The following CYTH3 variants were observed in gnomAD, a reference collection of about 807,000 sequenced individuals.
The protein encoded by CYTH3 is cytohesin 3.
CYTH3 carries 23 observed loss-of-function variants against 55.1 expected under a neutral mutation model. That is an observed-to-expected ratio of 0.42 (90% CI 0.30 to 0.59). The LOEUF is 0.59. Ranked by LOEUF, CYTH3 falls within the 20% of genes least tolerant of loss-of-function variation. CYTH3 has a pLI of 0.20. For missense variants in CYTH3, 413 were observed against 524.8 expected, an observed-to-expected ratio of 0.79 and a Z score of 2.08; for synonymous variants, 249 against 194.9, an observed-to-expected ratio of 1.28 and a Z score of -2.31.
At chr7:6,259,799 A>ATAATATATATATAATATATATATATATAT (rs1780282119) in intron 1 of CYTH3, among the ~76,000 whole-genome samples, 1 of 24,980 alleles carries the variant, frequency 4.0e-5, no homozygotes, top group African/African-American at 5.4e-4. Flanking sequence ...ATATATATAT[A>ATAATATATATATAATATATATATATATAT]TATATATATA....
chr7:6,170,634 T>C lies in CYTH3; in HGVS notation c.724A>G (p.Ser242Gly). ...ATCTTAAATGGCTCGTTCTTAATGC[T>C]CTCATACAAATTCTGCAAGGAGGGA... Reference protein sequence around the residue: ...PEELLRNLYESIKNEPFKIPE... With the variant: ...PEELLRNLYEGIKNEPFKIPE... Residue 242 changes from serine (S) to glycine (G), a missense_variant, in exon 9 of 13, where the codon AGC (serine) becomes GGC (glycine). This residue lies in a region of CYTH3 where 156 missense variants were observed against 233.1 expected (regional missense o/e 0.67). Transcript: ENST00000350796. This position sits in a 1 kb window ranked among gnomAD's most constrained non-coding sequence, Gnocchi z 7.8. The C allele has an allele frequency of 6.2e-7, 1 of 1,613,796 alleles. No homozygotes were observed. The highest frequency in any genetic ancestry group is 8.5e-7 in the Non-Finnish European group (1 of 1,179,814).
At chr7:6,259,779 TATATAA>T (rs1780264323) in intron 1 of CYTH3, among the ~76,000 whole-genome samples, 4 of 20,154 alleles carry the variant, frequency 2.0e-4, no homozygotes, top group South Asian at 1.8e-3. Flanking sequence ...ATATTATATA[TATATAA>T]TATATATATA....
intron 1 of CYTH3, among the ~76,000 whole-genome samples, chr7:6,264,835 TCTTA>T (rs1158170887): frequency 6.6e-6 from 1 of 152,226 alleles, no homozygotes; most frequent in African/African-American, 2.4e-5. Flanking sequence ...CAGAAAATAT[TCTTA>T]CTTTCACAGA....
At chr7:6,179,773 A>C (rs1583749632) in intron 4 of CYTH3, among the ~76,000 whole-genome samples, 1 of 116,868 alleles carries the variant, frequency 8.6e-6, no homozygotes, top group Admixed American at 9.2e-5. Flanking sequence ...CACACACCCC[A>C]CACACACCAC....
At chr7:6,269,860 T>C (rs1780605851) in intron 1 of CYTH3, among the ~76,000 whole-genome samples, 1 of 152,206 alleles carries the variant, frequency 6.6e-6, no homozygotes, top group Non-Finnish European at 1.5e-5. Flanking sequence ...TCTTTTAACC[T>C]GACCATTAAC....
At chr7:6,256,279 C>A (rs1392509533) in intron 1 of CYTH3, among the ~76,000 whole-genome samples, 1 of 152,178 alleles carries the variant, frequency 6.6e-6, no homozygotes, top group African/African-American at 2.4e-5. Context: ...GAGTCACTGG[C>A]CACTGGTTCA....
At chr7:6,239,056 A>T (rs1779603754) in intron 1 of CYTH3, among the ~76,000 whole-genome samples, 1 of 152,108 alleles carries the variant, frequency 6.6e-6, no homozygotes, top group African/African-American at 2.4e-5. Context: ...TCTACAAAAA[A>T]TACAAAAATT....
rs1400319047 is a variant in CYTH3, at chr7:6,162,136, T to A, written c.*2808A>T. The A allele has an allele frequency of 6.6e-6, 1 of 152,652 alleles. No individual in the cohort carries two copies. Among genetic ancestry groups the A allele is most frequent in the African/African-American group, 2.4e-5 (1 of 41,454 alleles). The allele number at this position is 152,652 out of a possible 1,614,324, so 9.5% of individuals were successfully genotyped here. A position where few individuals can be genotyped will look rare whatever the true frequency, so the allele number is the denominator to read the frequency against. On this transcript the variant is annotated 3_prime_UTR_variant, in exon 13 of 13. Transcript: ENST00000350796. ...CTTTCTATGAAGCACTAAGTGCTGC[T>A]CCATCTATAAATAGCTCCTATTTTC...
At chr7:6,193,682 G>C (rs897358712) in intron 1 of CYTH3, among the ~76,000 whole-genome samples, 1 of 152,140 alleles carries the variant, frequency 6.6e-6, no homozygotes, top group African/African-American at 2.4e-5. Context: ...CTAAAATAAG[G>C]AGAACTGGTT....
intron 1 of CYTH3, among the ~76,000 whole-genome samples, chr7:6,228,937 CTG>C (rs746131600): frequency 2.6e-5 from 4 of 152,176 alleles, no homozygotes; most frequent in African/African-American, 4.8e-5. Context: ...ACATAAGACA[CTG>C]TGCAATCGCT....
In CYTH3 at chr7:6,171,407, T is replaced by A; in HGVS notation, c.450-93A>T. On this transcript the variant is annotated intron_variant, in intron 6 of 12. Coordinates refer to ENST00000350796, the MANE Select transcript of CYTH3 (RefSeq NM_004227.4). The surrounding 1 kb of genome is among the most constrained non-coding windows in gnomAD (Gnocchi z 6.7). Reference sequence around the variant, plus strand: ...TCTGCCCAGCTCAGGAAGGACGTTTTCCTCCCGAGCCTGGGGTACAGCTCT... The same window carrying A: ...TCTGCCCAGCTCAGGAAGGACGTTTACCTCCCGAGCCTGGGGTACAGCTCT... 8.5e-7 allele frequency: 1 copy of A among 1,175,876 alleles called. No individual in the cohort carries two copies. The highest frequency in any genetic ancestry group is 1.2e-6 in the Non-Finnish European group (1 of 806,760). The allele number at this position is 1,175,876 out of a possible 1,614,324, so 72.8% of individuals were successfully genotyped here.
At chr7:6,183,104 G>A (rs1181629580) in intron 4 of CYTH3, among the ~76,000 whole-genome samples, 1 of 152,152 alleles carries the variant, frequency 6.6e-6, no homozygotes, top group Non-Finnish European at 1.5e-5. Flanking sequence ...CTGTTTTCAC[G>A]GACTAAGTGC....
At chr7:6,184,161 C>T (rs1471019984) in intron 4 of CYTH3, among the ~76,000 whole-genome samples, 4 of 147,120 alleles carry the variant, frequency 2.7e-5, no homozygotes, top group African/African-American at 9.9e-5. Flanking sequence ...CCCGGGTTCA[C>T]GCCATTCTCC....
At chr7:6,218,953 C>T (rs576688528) in intron 1 of CYTH3, among the ~76,000 whole-genome samples, 34 of 145,344 alleles carry the variant, frequency 2.3e-4, no homozygotes, top group Non-Finnish European at 5.0e-4. Flanking sequence ...TGCAGTGAGC[C>T]GACACTGTGC....
intron 9 of CYTH3, among the ~76,000 whole-genome samples, chr7:6,166,490 C>A (rs1206912896): frequency 6.6e-6 from 1 of 152,222 alleles, no homozygotes; most frequent in African/African-American, 2.4e-5. Context: ...CCCCATGCCT[C>A]TCCAGCGCTG....
intron 1 of CYTH3, among the ~76,000 whole-genome samples, chr7:6,196,660 C>T (rs1461123130): frequency 6.6e-6 from 1 of 152,010 alleles, no homozygotes; most frequent in African/African-American, 2.4e-5. Context: ...GGGGTTTCAC[C>T]GTGTTGGCCA....
At chr7:6,186,077 T>C (rs1244146121) in intron 4 of CYTH3, among the ~76,000 whole-genome samples, 3 of 151,228 alleles carry the variant, frequency 2.0e-5, no homozygotes, top group South Asian at 2.1e-4. Flanking sequence ...ACCCCATCTC[T>C]ACTAAAAATA....
intron 1 of CYTH3, among the ~76,000 whole-genome samples, chr7:6,230,341 T>G (rs1779360797): frequency 6.6e-6 from 1 of 151,936 alleles, no homozygotes; most frequent in South Asian, 2.1e-4. Flanking sequence ...TAAAGCAGAG[T>G]CTCAGGCACC....
At position 6,165,440 on chromosome 7, in the gene CYTH3, G is replaced by GA; in HGVS notation, c.973-14dup. 3 of 1,610,800 alleles carry GA rather than the reference G, an allele frequency of 1.9e-6. No homozygotes were observed. The highest frequency in any genetic ancestry group is 2.5e-6 in the Non-Finnish European group (3 of 1,177,836). Reference sequence around the variant, plus strand: ...GCTCAAAACAGTTCTGGTGGAGAAAGAGAGAGGGGAGGCGGTCAGGGGGGC... The same window carrying GA: ...GCTCAAAACAGTTCTGGTGGAGAAAGAAGAGAGGGGAGGCGGTCAGGGGGGC... On this transcript the variant is annotated splice_polypyrimidine_tract_variant and intron_variant, in intron 11 of 12. Transcript: ENST00000350796.
Sources: allele counts gnomAD v4.1 joint callset (sites outside exome capture counted in the v4.1 genomes callset), GRCh38; gene constraint gnomAD v4.1.1; regional missense constraint gnomAD v4.1.1; non-coding constraint Gnocchi (gnomAD v3.1); transcripts MANE v1.5; gene names NCBI Gene and HGNC (gene_info 2026-07-23, HGNC 2026-07-21).